Variants in CRACR2A observed in about 807,000 individuals in gnomAD.
CRACR2A encodes calcium release activated channel regulator 2A.
Under a neutral mutation model 90.5 loss-of-function variants are expected in CRACR2A, and 79 were observed. That is an observed-to-expected ratio of 0.87 (90% CI 0.73 to 1.05). The LOEUF is 1.05. Ranked by LOEUF, CRACR2A falls within the 50% of genes least tolerant of loss-of-function variation. The probability of loss-of-function intolerance (pLI) is 0.00; values close to 1 mark genes in which losing one functional copy is unlikely to be tolerated. For missense variants in CRACR2A, 823 were observed against 897.2 expected, an observed-to-expected ratio of 0.92 and a Z score of 1.06; for synonymous variants, 338 against 356.7, an observed-to-expected ratio of 0.95 and a Z score of 0.59.
intron 4 of CRACR2A, among the ~76,000 whole-genome samples, chr12:3,687,327 G>A (rs898939806): frequency 1.1e-4 from 16 of 151,584 alleles, no homozygotes; most frequent in African/African-American, 2.4e-4. Flanking sequence ...TTATTTTTCC[G>A]GATCCTCTCC....
chr12:3,679,830 G>A (rs1945413549), intron 5 of CRACR2A, among the ~76,000 whole-genome samples: 2 of 152,168 alleles, frequency 1.3e-5, no homozygotes, highest in Admixed American at 6.5e-5. Context: ...CCTCAACCTG[G>A]AAAATTCAGC....
At chr12:3,624,927 G>A (rs975553726) in intron 17 of CRACR2A, among the ~76,000 whole-genome samples, 2 of 152,226 alleles carry the variant, frequency 1.3e-5, no homozygotes, top group African/African-American at 4.8e-5. Flanking sequence ...TCCCTGGGGA[G>A]CTGTTCGTTT....
At chr12:3,716,240 T>C (rs1245394861) in intron 2 of CRACR2A, among the ~76,000 whole-genome samples, 1 of 152,210 alleles carries the variant, frequency 6.6e-6, no homozygotes, top group Non-Finnish European at 1.5e-5. Flanking sequence ...CCACATTTGC[T>C]TTAACTGGGC....
chr12:3,641,116 C>A (rs958192356), intron 13 of CRACR2A, among the ~76,000 whole-genome samples: 1 of 152,070 alleles, frequency 6.6e-6, no homozygotes, highest in South Asian at 2.1e-4. Flanking sequence ...GAGGCCGAGG[C>A]GGGCAGATCA....
At chr12:3,660,887 C>CACACA (rs1271154180) in intron 7 of CRACR2A, among the ~76,000 whole-genome samples, 57 of 118,978 alleles carry the variant, frequency 4.8e-4, no homozygotes, top group Middle Eastern at 4.3e-3. Context: ...CACACACACA[C>CACACA]AATTTTGGCC....
intron 11 of CRACR2A, chr12:3,647,930 G>T: frequency 1.0e-6 from 1 of 985,428 alleles, no homozygotes; most frequent in Non-Finnish European, 1.2e-6. Context: ...GGGGAGGGTG[G>T]TGCACATTCC....
chr12:3,728,483 T>C (rs1946306298), intron 2 of CRACR2A: 1 of 152,198 alleles, frequency 6.6e-6, no homozygotes, highest in Non-Finnish European at 1.5e-5. Context: ...CAACAAAGCA[T>C]GGTGACGAGA....
chr12:3,698,426 G>A (rs1265071641), intron 3 of CRACR2A, among the ~76,000 whole-genome samples: 1 of 152,170 alleles, frequency 6.6e-6, no homozygotes, highest in African/African-American at 2.4e-5. Context: ...ACCATGTCCA[G>A]AGCAATGTAA....
chr12:3,624,126 A>G (rs1944210063), intron 17 of CRACR2A, among the ~76,000 whole-genome samples: 1 of 152,178 alleles, frequency 6.6e-6, no homozygotes, highest in South Asian at 2.1e-4. Context: ...CCCACCCCAC[A>G]CAACCTCTTC....
At chr12:3,648,356 G>A (rs908616005) in intron 11 of CRACR2A, 186 bp downstream of exon 11, 64 of 1,500,048 alleles carry the variant, frequency 4.3e-5, no homozygotes, top group Admixed American at 1.1e-4. Flanking sequence ...ATGTGTAAAC[G>A]GACCAAACAT....
intron 1 of CRACR2A, among the ~76,000 whole-genome samples, chr12:3,735,223 A>T (rs1946431946): frequency 6.6e-6 from 1 of 152,228 alleles, no homozygotes; most frequent in East Asian, 1.9e-4. Flanking sequence ...AAGCTGGAAG[A>T]AAATGAAGCC....
At chr12:3,708,313 T>C (rs763733597) in intron 3 of CRACR2A, among the ~76,000 whole-genome samples, 1 of 152,236 alleles carries the variant, frequency 6.6e-6, no homozygotes, top group Non-Finnish European at 1.5e-5. Context: ...TAGAACACTT[T>C]TCTGGGGACA....
intron 7 of CRACR2A, among the ~76,000 whole-genome samples, chr12:3,669,515 G>A (rs1244219213): frequency 2.8e-5 from 4 of 143,934 alleles, no homozygotes; most frequent in African/African-American, 9.7e-5. Flanking sequence ...GCTCAAATCC[G>A]AAATTTCTTC....
intron 10 of CRACR2A, among the ~76,000 whole-genome samples, chr12:3,650,564 A>T (rs1418201619): frequency 6.6e-6 from 1 of 152,132 alleles, no homozygotes; most frequent in East Asian, 1.9e-4. Flanking sequence ...GTGCTCCGTG[A>T]GCAGAGCTGC....
chr12:3,638,926 C>A (rs943218292), intron 13 of CRACR2A, among the ~76,000 whole-genome samples: 26 of 152,252 alleles, frequency 1.7e-4, no homozygotes, highest in African/African-American at 6.3e-4. Context: ...CTGCCCCCAG[C>A]GCCAGCCCTT....
intron 4 of CRACR2A, among the ~76,000 whole-genome samples, chr12:3,686,173 A>G (rs1449910347): frequency 1.3e-5 from 2 of 152,368 alleles, no homozygotes; most frequent in East Asian, 3.9e-4. Context: ...ATTTACTATA[A>G]AAATCTTTTA....
chr12:3,689,481 T>G (rs1236878550), intron 4 of CRACR2A, among the ~76,000 whole-genome samples: 5 of 152,242 alleles, frequency 3.3e-5, no homozygotes, highest in African/African-American at 4.8e-5. Context: ...TTTGTTTATG[T>G]GATGAATTAC....
chr12:3,656,922 G>A (rs1944921288), intron 8 of CRACR2A, among the ~76,000 whole-genome samples: 1 of 152,222 alleles, frequency 6.6e-6, no homozygotes, highest in Non-Finnish European at 1.5e-5. Context: ...GAGGGTCTAA[G>A]TGTTCATATT....
chr12:3,751,535 C>G (rs1946703626), intron 1 of CRACR2A, among the ~76,000 whole-genome samples: 2 of 152,234 alleles, frequency 1.3e-5, no homozygotes. Context: ...CTCTCCCAGG[C>G]AGCACTCCTC....
Sources: allele counts gnomAD v4.1 joint callset (sites outside exome capture counted in the v4.1 genomes callset), GRCh38; gene constraint gnomAD v4.1.1; transcripts MANE v1.5; gene names NCBI Gene and HGNC (gene_info 2026-07-23, HGNC 2026-07-21).